RHCG: variants seen among roughly 807,000 people sequenced by gnomAD.
RHCG encodes the protein ammonium transporter Rh type C.
RHCG carries 39 observed loss-of-function variants against 55.3 expected under a neutral mutation model. That is an observed-to-expected ratio of 0.70 (90% CI 0.55 to 0.92). The LOEUF is 0.92. Ranked by LOEUF, RHCG falls within the 40% of genes least tolerant of loss-of-function variation. RHCG has a pLI of 0.00. For missense variants in RHCG, 635 were observed against 627.9 expected (o/e 1.01, Z -0.12); for synonymous variants, 250 against 246.8 (o/e 1.01, Z -0.12).
intron 1 of RHCG, among the ~76,000 whole-genome samples, chr15:89,488,940 A>G (rs1961423490): frequency 6.6e-6 from 1 of 152,182 alleles, no homozygotes; most frequent in Non-Finnish European, 1.5e-5. Context: ...CCCCCTTCTT[A>G]GGAAATATAC....
chr15:89,480,176 G>C, intron 4 of RHCG, 85 bp downstream of exon 4: 1 of 1,555,954 alleles, frequency 6.4e-7, no homozygotes, highest in Non-Finnish European at 8.8e-7. Flanking sequence ...CCATCATGGT[G>C]GCCTTCACCC....
At chr15:89,473,624 C>T (rs1228112285) in intron 9 of RHCG, among the ~76,000 whole-genome samples, 1 of 152,050 alleles carries the variant, frequency 6.6e-6, no homozygotes, top group Non-Finnish European at 1.5e-5. Flanking sequence ...GACAATATAA[C>T]AATAAAAATA....
intron 2 of RHCG, 136 bp from the exon 3 acceptor site, chr15:89,483,353 G>T: frequency 1.4e-6 from 1 of 722,954 alleles, no homozygotes; most frequent in Non-Finnish European, 2.1e-6. Flanking sequence ...CTACACTAAT[G>T]GGCACCTAAC....
chr15:89,484,512 T>C (rs1331670990), intron 2 of RHCG, among the ~76,000 whole-genome samples: 2 of 152,106 alleles, frequency 1.3e-5, no homozygotes, highest in Non-Finnish European at 2.9e-5. Context: ...CCGGCCATGG[T>C]GGCTCACACC....
chr15:89,479,519 G>A (rs764198596), intron 4 of RHCG, 31 bp from the exon 5 acceptor site: 25 of 1,580,422 alleles, frequency 1.6e-5, no homozygotes, highest in Middle Eastern at 1.7e-4. Context: ...CAATGGGCCC[G>A]GGAGGAGAGG....
chr15:89,493,210 C>G (rs1307427189), intron 1 of RHCG, among the ~76,000 whole-genome samples: 1 of 152,230 alleles, frequency 6.6e-6, no homozygotes, highest in African/African-American at 2.4e-5. Context: ...CCACTCCTCC[C>G]TTGGTCTTCC....
At chr15:89,479,896 T>C (rs1213312044) in intron 4 of RHCG, among the ~76,000 whole-genome samples, 1 of 152,212 alleles carries the variant, frequency 6.6e-6, no homozygotes, top group African/African-American at 2.4e-5. Context: ...TTCTCTGGAA[T>C]GAATGGACAC....
rs1241973299 is a variant in RHCG, at chr15:89,479,438, A to G, written c.721T>C (p.Tyr241His). 6.8e-6 allele frequency: 11 copies of G among 1,613,932 alleles called. No homozygotes were observed. Among genetic ancestry groups the G allele is most frequent in the African/African-American group, 1.3e-5 (1 of 74,934 alleles). The change falls in exon 5 of 11, where the codon TAC becomes CAC. Residue 241 changes from tyrosine to histidine, a missense_variant. Physicochemically the swap from Tyr to His is moderately conservative, Grantham distance 83. Transcript: ENST00000268122. ...GCTCGGTGCTGGCTGTCCCCATGGT[A>G]GGATATGGCTGAGTTGAAGCTGGGC... ...YWPSFNSAIS[Y>H]HGDSQHRAAI...
rs181008814 is a variant in RHCG at position 89,480,488 on chromosome 15, C to A, written c.523-80G>T. 9.1e-3 allele frequency: 13,857 copies of A among 1,517,266 alleles called. 106 individuals are homozygous for A. Among genetic ancestry groups the A allele is most frequent in the Non-Finnish European group, 0.01 (11,335 of 1,113,246 alleles). 94.0% of individuals were successfully genotyped at this position (1,517,266 alleles called of 1,614,324 possible). ...TGCCGTCCCTGTCTTGCCACACACA[C>A]ACACGCCCAGAGCTCCAGCCTTCTC... is the stretch of plus-strand genomic sequence containing the variant. On this transcript the variant is annotated intron_variant, in intron 3 of 10. Coordinates refer to ENST00000268122, the MANE Select transcript of RHCG (RefSeq NM_016321.3).
At chr15:89,472,981 G>A (rs1961069217) in intron 9 of RHCG, 118 bp from the exon 10 acceptor site, 5 of 1,196,672 alleles carry the variant, frequency 4.2e-6, no homozygotes, top group Non-Finnish European at 5.6e-6. Context: ...TGATCGCCGT[G>A]CGGATCACAT....
Position 89,478,085 on chromosome 15 carries a change from G to A in RHCG, c.838-111C>T, listed in dbSNP as rs1309092770. On this transcript the variant is annotated intron_variant, in intron 5 of 10. Coordinates refer to ENST00000268122, the MANE Select transcript of RHCG (RefSeq NM_016321.3). Reference sequence around the variant, plus strand: ...GGGTGCAGCCTGGCTCCTGGGAGCCGGGGATGGCTGGGAGTTCACCTCAGC... The same window carrying A: ...GGGTGCAGCCTGGCTCCTGGGAGCCAGGGATGGCTGGGAGTTCACCTCAGC... The A allele has an allele frequency of 1.2e-5, 16 of 1,362,322 alleles. No individual in the cohort carries two copies. In the East Asian group the frequency reaches 1.9e-4, roughly 16 times the overall value. 84.4% of individuals were successfully genotyped at this position (1,362,322 alleles called of 1,614,324 possible). A position where few individuals can be genotyped will look rare whatever the true frequency, so the allele number is the denominator to read the frequency against.
chr15:89,481,795 TTTTG>T (rs1555461636), intron 3 of RHCG, among the ~76,000 whole-genome samples: 1 of 152,148 alleles, frequency 6.6e-6, no homozygotes, highest in African/African-American at 2.4e-5. Context: ...ATTTGTTTTT[TTTTG>T]TTTGTTTGTT....
Position 89,486,807 on chromosome 15 carries a change from G to T in RHCG, c.363C>A (p.Gly121=), listed in dbSNP as rs1350952199. The change falls in exon 2 of 11, where the codon GGC becomes GGA. Residue 121 remains glycine (G), a synonymous_variant. Coordinates refer to ENST00000268122, the MANE Select transcript of RHCG (RefSeq NM_016321.3). The stretch of plus-strand genomic sequence containing the variant: ...GCCCGCCCTGCGCTCACTTCTCCAC[G>T]CCCACGACGATGTAGCGGTCTTGTA... ...HFLQDRYIVV[G]VENLINADFC... 4 of 1,588,858 alleles carry T rather than the reference G, an allele frequency of 2.5e-6. No homozygotes were observed. Among genetic ancestry groups the T allele is most frequent in the African/African-American group, 2.7e-5 (2 of 74,496 alleles).
At chr15:89,479,821 G>A (rs1371386) in intron 4 of RHCG, 156,063 of 389,210 alleles carry the variant, frequency 0.4, 32,165 homozygotes, top group African/African-American at 0.51. Context: ...CTTCCACTAC[G>A]CTGTGAGGAG....
chr15:89,477,985 C>A lies in RHCG; in HGVS notation c.838-11G>T. The A allele has an allele frequency of 6.3e-7, 1 of 1,593,426 alleles. No homozygotes were observed. On this transcript the variant is annotated splice_polypyrimidine_tract_variant and intron_variant, in intron 5 of 10. Transcript: ENST00000268122. The surrounding 1 kb of genome is among the most constrained non-coding windows in gnomAD (Gnocchi z 4.5). ...ATTCTGGATGTGCACCTGGGCAGGGCAGGCAGAGCAGGCAGGAACTCAGTC... is the reference window on the plus strand; with the variant it reads ...ATTCTGGATGTGCACCTGGGCAGGGAAGGCAGAGCAGGCAGGAACTCAGTC...
chr15:89,475,523 G>C (rs1343948431), intron 9 of RHCG, among the ~76,000 whole-genome samples: 3 of 152,212 alleles, frequency 2.0e-5, no homozygotes, highest in Non-Finnish European at 4.4e-5. Context: ...TGGGATTATA[G>C]GCATGAGCCA....
chr15:89,486,089 A>G (rs1304367860), intron 2 of RHCG, among the ~76,000 whole-genome samples: 3 of 152,180 alleles, frequency 2.0e-5, no homozygotes, highest in Non-Finnish European at 4.4e-5. Flanking sequence ...CCAAGTCATC[A>G]TAGAGAAGTC....
intron 1 of RHCG, 36 bp downstream of exon 1, chr15:89,496,325 T>C: frequency 6.2e-7 from 1 of 1,609,568 alleles, no homozygotes; most frequent in Non-Finnish European, 8.5e-7. Context: ...CCGGCGCGGA[T>C]ATGCCTCCGC....
intron 4 of RHCG, 161 bp from the exon 5 acceptor site, chr15:89,479,649 C>T (rs1961228761): frequency 7.7e-6 from 5 of 652,314 alleles, no homozygotes; most frequent in Non-Finnish European, 1.3e-5. Flanking sequence ...CCTGGAAGGC[C>T]CTCCCTGCCT....
Sources: allele counts gnomAD v4.1 joint callset (sites outside exome capture counted in the v4.1 genomes callset), GRCh38; gene constraint gnomAD v4.1.1; non-coding constraint Gnocchi (gnomAD v3.1); transcripts MANE v1.5; gene names NCBI Gene and HGNC (gene_info 2026-07-23, HGNC 2026-07-21).